TRAF3IP3: variants seen among roughly 807,000 people sequenced by gnomAD.
TRAF3IP3 encodes the protein TRAF3 interacting protein 3, also known as TRAF3-interacting JNK-activating modulator.
In TRAF3IP3, 64 loss-of-function variants were observed where a neutral mutation model predicts 86.5. The ratio of observed to expected loss-of-function variants is 0.74; its 90% CI spans 0.60 to 0.91. TRAF3IP3 has a LOEUF of 0.91. TRAF3IP3 is among the 40% of genes least tolerant of loss of function. TRAF3IP3 has a pLI of 0.00. For synonymous variants in TRAF3IP3, 220 were observed against 243.9 expected, an observed-to-expected ratio of 0.90 and a Z score of 0.91; for missense variants, 579 against 642.9, an observed-to-expected ratio of 0.90 and a Z score of 1.07.
chr1:209,756,156 C>T lies in TRAF3IP3; in HGVS notation c.-313C>T, dbSNP rs1328424140. On this transcript the variant is annotated 5_prime_UTR_variant, in exon 1 of 17. Coordinates refer to ENST00000367025, the MANE Select transcript of TRAF3IP3 (RefSeq NM_025228.4). ...CTGCTGTGCAAAAAGAAAGACGGTACCAAGAAGGGACGTGTTAATGGGGCC... is the reference window on the plus strand; with the variant it reads ...CTGCTGTGCAAAAAGAAAGACGGTATCAAGAAGGGACGTGTTAATGGGGCC... The T allele has an allele frequency of 6.6e-6, 1 of 152,318 alleles. No individual in the cohort carries two copies. Among genetic ancestry groups the T allele is most frequent in the Non-Finnish European group, 1.5e-5 (1 of 68,138 alleles). 9.4% of individuals were successfully genotyped at this position (152,318 alleles called of 1,614,324 possible). A position where few individuals can be genotyped will look rare whatever the true frequency, so the allele number is the denominator to read the frequency against.
chr1:209,778,104 T>C lies in TRAF3IP3; in HGVS notation c.1190-7T>C, dbSNP rs1246096759. The C allele has an allele frequency of 6.2e-7, 1 of 1,613,842 alleles. No homozygotes were observed. Among genetic ancestry groups the C allele is most frequent in the Non-Finnish European group, 8.5e-7 (1 of 1,179,772 alleles). On this transcript the variant is annotated splice_polypyrimidine_tract_variant and splice_region_variant and intron_variant, in intron 12 of 16. Coordinates refer to ENST00000367025, the MANE Select transcript of TRAF3IP3 (RefSeq NM_025228.4). ...CTTTATTTTGGCTTGCATTATTGCA[T>C]TTTCAGATCAACTAAAAAGGTCAGA...
intron 16 of TRAF3IP3, 144 bp downstream of exon 16, chr1:209,781,602 A>G: frequency 1.8e-6 from 1 of 555,186 alleles, no homozygotes; most frequent in South Asian, 2.3e-5. Context: ...TACTGACATT[A>G]TGGCAACCAT....
chr1:209,773,093 T>C, intron 9 of TRAF3IP3, 74 bp downstream of exon 9: 1 of 1,334,634 alleles, frequency 7.5e-7, no homozygotes, highest in African/African-American at 1.5e-5. Context: ...AACCTCAATC[T>C]TACTTTCGAG....
At chr1:209,768,893 C>T (rs1010554290) in intron 8 of TRAF3IP3, among the ~76,000 whole-genome samples, 6 of 152,156 alleles carry the variant, frequency 3.9e-5, no homozygotes, top group Non-Finnish European at 7.4e-5. Context: ...TTTGGGGAGT[C>T]CAGAAAAGCA....
chr1:209,760,812 T>C (rs2077233233), intron 3 of TRAF3IP3, among the ~76,000 whole-genome samples: 2 of 152,194 alleles, frequency 1.3e-5, no homozygotes, highest in Middle Eastern at 3.4e-3. Context: ...TGCACACCTG[T>C]AGTCCTAACT....
Position 209,775,753 on chromosome 1 carries a change from G to T in TRAF3IP3, c.1053+17G>T, listed in dbSNP as rs763590886. ...AAACTGCAGGTACCAGGCACTGGGG[G>T]TGGGGAGGGAAGACAGGGTATGGGG... On this transcript the variant is annotated intron_variant, in intron 11 of 16. Transcript: ENST00000367025. The T allele has an allele frequency of 6.2e-6, 10 of 1,600,772 alleles. No individual in the cohort carries two copies. The African/African-American group carries it at 1.2e-4, about 19-fold the overall frequency.
intron 6 of TRAF3IP3, 27 bp downstream of exon 6, chr1:209,763,119 TC>T: frequency 6.2e-7 from 1 of 1,609,636 alleles, no homozygotes; most frequent in Non-Finnish European, 8.5e-7. Context: ...TTTGAAGGGG[TC>T]AAATCAGAAA....
intron 8 of TRAF3IP3, chr1:209,768,326 C>T: frequency 2.0e-6 from 2 of 985,430 alleles, no homozygotes; most frequent in Non-Finnish European, 2.4e-6. Flanking sequence ...CTTTTGGATA[C>T]CATAGGCTCT....
At chr1:209,781,133 C>T (rs1009774969) in intron 15 of TRAF3IP3, 7 of 350,168 alleles carry the variant, frequency 2.0e-5, no homozygotes, top group Non-Finnish European at 3.7e-5. Flanking sequence ...AAATGTAATA[C>T]TATAATATGC....
intron 11 of TRAF3IP3, 38 bp from the exon 12 acceptor site, chr1:209,777,314 T>C: frequency 6.3e-7 from 1 of 1,583,624 alleles, no homozygotes; most frequent in Non-Finnish European, 8.6e-7. Flanking sequence ...ACCCCAACAC[T>C]GACCTCCTTC....
chr1:209,763,348 G>C lies in TRAF3IP3; in HGVS notation c.577-15G>C. 6.2e-7 allele frequency: 1 copy of C among 1,612,856 alleles called. No individual in the cohort carries two copies. Among genetic ancestry groups the C allele is most frequent in the South Asian group, 1.1e-5 (1 of 91,024 alleles). On this transcript the variant is annotated splice_polypyrimidine_tract_variant and intron_variant, in intron 6 of 16. Transcript: ENST00000367025. The stretch of plus-strand genomic sequence containing the variant: ...ACTTACAGACATTTTGAATACCCTT[G>C]TTCTTTCTCTCCAGGAAATCATCCA...
chr1:209,767,635 C>G (rs1416224626), intron 8 of TRAF3IP3, among the ~76,000 whole-genome samples: 1 of 151,188 alleles, frequency 6.6e-6, no homozygotes, highest in Non-Finnish European at 1.5e-5. Context: ...GGCTGCACCA[C>G]TGTACTCCTG....
intron 8 of TRAF3IP3, among the ~76,000 whole-genome samples, chr1:209,770,829 G>C (rs1571938741): frequency 5.8e-5 from 7 of 121,654 alleles, no homozygotes; most frequent in Non-Finnish European, 8.9e-5. Flanking sequence ...GGAGGTGTGT[G>C]TCTATATAGA....
In TRAF3IP3 at chr1:209,778,074, G is replaced by A. The variant is rs11807508; in HGVS notation, c.1190-37G>A. Reference sequence around the variant, plus strand: ...TAAGTACTGAGTTCATTAAGTCTTGGGTTCCTTTATTTTGGCTTGCATTAT... The same window carrying A: ...TAAGTACTGAGTTCATTAAGTCTTGAGTTCCTTTATTTTGGCTTGCATTAT... On this transcript the variant is annotated intron_variant, in intron 12 of 16. Coordinates refer to ENST00000367025, the MANE Select transcript of TRAF3IP3 (RefSeq NM_025228.4). 4.5e-4 allele frequency: 714 copies of A among 1,588,194 alleles called. 6 individuals carry two copies. The African/African-American group carries it at 8.6e-3, about 19-fold the overall frequency.
intron 15 of TRAF3IP3, 103 bp from the exon 16 acceptor site, chr1:209,781,242 G>C (rs959718968): frequency 5.7e-6 from 4 of 699,824 alleles, no homozygotes; most frequent in Middle Eastern, 2.7e-4. Context: ...GAAGATGGTG[G>C]TAAAAATTCC....
chr1:209,774,366 A>G (rs2077609050), intron 9 of TRAF3IP3, among the ~76,000 whole-genome samples: 1 of 152,236 alleles, frequency 6.6e-6, no homozygotes, highest in Non-Finnish European at 1.5e-5. Context: ...CCAGTATGAA[A>G]GACAGATGAG....
At position 209,777,448 on chromosome 1, in the gene TRAF3IP3, G is replaced by A; in HGVS notation, c.1150G>A (p.Asp384Asn). 1 of 1,614,098 alleles carries A rather than the reference G, an allele frequency of 6.2e-7. No individual in the cohort carries two copies. Among genetic ancestry groups the A allele is most frequent in the South Asian group, 1.1e-5 (1 of 91,070 alleles). Reference sequence around the variant, plus strand: ...GGCCAAGATTGAATGCCTGCAAGGGGACAGAGACCTGTGCAGCTTGGATAC... The same window carrying A: ...GGCCAAGATTGAATGCCTGCAAGGGAACAGAGACCTGTGCAGCTTGGATAC... ...LQAKIECLQG[D>N]RDLCSLDTQD... The change falls in exon 12 of 17, where the codon GAC (aspartate) becomes AAC (asparagine). Residue 384 changes from aspartate (D) to asparagine (N), a missense_variant. Coordinates refer to ENST00000367025, the MANE Select transcript of TRAF3IP3 (RefSeq NM_025228.4).
intron 14 of TRAF3IP3, chr1:209,779,744 C>CTGTT: frequency 1.8e-6 from 1 of 556,830 alleles, no homozygotes; most frequent in South Asian, 2.1e-5. Context: ...AGTCAACTCA[C>CTGTT]TGTTAGCCCT....
intron 16 of TRAF3IP3, 48 bp downstream of exon 16, chr1:209,781,506 C>T (rs564576194): frequency 1.5e-6 from 2 of 1,371,696 alleles, no homozygotes; most frequent in Admixed American, 1.7e-5. Flanking sequence ...TGGGACGATT[C>T]CTTCTTTAAC....
Sources: allele counts gnomAD v4.1 joint callset (sites outside exome capture counted in the v4.1 genomes callset), GRCh38; gene constraint gnomAD v4.1.1; transcripts MANE v1.5; gene names NCBI Gene and HGNC (gene_info 2026-07-23, HGNC 2026-07-21).